The following SCFD1 variants were observed in gnomAD, a reference collection of about 807,000 sequenced individuals.
SCFD1 encodes sec1 family domain containing 1.
Under a neutral mutation model 103.2 loss-of-function variants are expected in SCFD1, and 37 were observed. That is an observed-to-expected ratio of 0.36 (90% CI 0.28 to 0.47). The LOEUF is 0.47. Among genes scored for constraint, SCFD1 ranks in the 20% least tolerant of loss-of-function variants. The probability of loss-of-function intolerance (pLI) is 1.00; values close to 1 mark genes in which losing one functional copy is unlikely to be tolerated. For synonymous variants in SCFD1, 264 were observed against 245.0 expected (o/e 1.08, Z -0.73); for missense variants, 639 against 761.2 (o/e 0.84, Z 1.89).
intron 14 of SCFD1, among the ~76,000 whole-genome samples, chr14:30,684,567 C>A (rs1889781069): frequency 2.0e-5 from 3 of 151,792 alleles, no homozygotes; most frequent in African/African-American, 7.3e-5. Flanking sequence ...TGGAGAAAAG[C>A]ACTAGAATTT....
At chr14:30,725,562 T>G (rs183711034) in intron 23 of SCFD1, among the ~76,000 whole-genome samples, 1 of 152,228 alleles carries the variant, frequency 6.6e-6, no homozygotes, top group African/African-American at 2.4e-5. Flanking sequence ...TGAAGTTGTT[T>G]ATCAGCTTAA....
Position 30,674,991 on chromosome 14 carries a change from C to T in SCFD1, c.1168C>T (p.Pro390Ser). Residue 390 changes from proline (P) to serine (S), a missense_variant, in exon 14 of 25, where the codon CCA becomes TCA. Coordinates refer to ENST00000458591, the MANE Select transcript of SCFD1 (RefSeq NM_016106.4). ...AKLTSAVSSL[P>S]ELLEKKRLID... The stretch of plus-strand genomic sequence containing the variant: ...ATTTTTTGATACTTGCAGTTCTTTG[C>T]CAGAACTCCTTGAGAAAAAAAGACT... The T allele has an allele frequency of 1.9e-6, 3 of 1,571,362 alleles. No individual in the cohort carries two copies. The highest frequency in any genetic ancestry group is 2.6e-6 in the Non-Finnish European group (3 of 1,158,332).
chr14:30,652,030 C>T (rs1390279923), intron 9 of SCFD1, among the ~76,000 whole-genome samples: 1 of 152,110 alleles, frequency 6.6e-6, no homozygotes, highest in Non-Finnish European at 1.5e-5. Context: ...TTAAGAAACC[C>T]TGCGGTAGGC....
intron 9 of SCFD1, among the ~76,000 whole-genome samples, chr14:30,651,407 T>C (rs1886377986): frequency 6.7e-6 from 1 of 150,316 alleles, no homozygotes; most frequent in South Asian, 2.1e-4. Flanking sequence ...AAACTGCTTG[T>C]ATAATTGGGA....
chr14:30,678,992 G>A (rs1217684652), intron 14 of SCFD1, among the ~76,000 whole-genome samples: 2 of 152,184 alleles, frequency 1.3e-5, no homozygotes, highest in Non-Finnish European at 2.9e-5. Context: ...TTTCACTAGT[G>A]TTCCTTCTGA....
intron 19 of SCFD1, among the ~76,000 whole-genome samples, chr14:30,708,920 G>T (rs1221610537): frequency 6.6e-6 from 1 of 151,750 alleles, no homozygotes; most frequent in Non-Finnish European, 1.5e-5. Context: ...TATTAATTTG[G>T]TATCTTTTCA....
intron 6 of SCFD1, among the ~76,000 whole-genome samples, chr14:30,642,185 T>G (rs750657926): frequency 4.6e-5 from 7 of 152,162 alleles, no homozygotes; most frequent in Non-Finnish European, 8.8e-5. Flanking sequence ...TCTCCCAGTT[T>G]CAAGCAATCC....
chr14:30,702,429 C>T, intron 17 of SCFD1, 54 bp downstream of exon 17: 1 of 1,097,958 alleles, frequency 9.1e-7, no homozygotes, highest in Non-Finnish European at 1.3e-6. Flanking sequence ...ACAATTGAGG[C>T]TTCATTCCCA....
intron 10 of SCFD1, among the ~76,000 whole-genome samples, chr14:30,668,736 C>T (rs992473018): frequency 1.3e-5 from 2 of 152,008 alleles, no homozygotes; most frequent in Non-Finnish European, 2.9e-5. Context: ...AAAAAGTGAG[C>T]GAAGGATATG....
intron 1 of SCFD1, among the ~76,000 whole-genome samples, chr14:30,626,973 A>G (rs1315118609): frequency 1.3e-4 from 20 of 152,238 alleles, no homozygotes; most frequent in Admixed American, 1.3e-3. Context: ...AGTATTACAT[A>G]GTTCTCTCGT....
rs551890084 is a variant in SCFD1 at position 30,678,706 on chromosome 14, G to A, written c.1242+3641G>A. The stretch of plus-strand genomic sequence containing the variant: ...AAAGCATAGTTGATGAGATGAGAGA[G>A]AGAAATGGTATCATGGGTTCTTTCC... On this transcript the variant is annotated intron_variant, in intron 14 of 24. Coordinates refer to ENST00000458591, the MANE Select transcript of SCFD1 (RefSeq NM_016106.4). 3.3e-5 allele frequency among the ~76,000 whole-genome samples: 5 copies of A among 152,326 alleles called. No individual in the cohort carries two copies. In the South Asian group the frequency reaches 1.0e-3, roughly 32 times the overall value.
At chr14:30,695,693 AC>A (rs753164373) in intron 15 of SCFD1, among the ~76,000 whole-genome samples, 1 of 152,008 alleles carries the variant, frequency 6.6e-6, no homozygotes, top group African/African-American at 2.4e-5. Flanking sequence ...ATAAAGCAAG[AC>A]CCCATATACA....
chr14:30,660,194 T>C (rs1030864633), intron 10 of SCFD1, among the ~76,000 whole-genome samples: 3 of 152,200 alleles, frequency 2.0e-5, no homozygotes, highest in African/African-American at 7.2e-5. Context: ...CACTTCTTTT[T>C]AATTGCCATT....
chr14:30,670,664 G>A (rs965149443), intron 11 of SCFD1, among the ~76,000 whole-genome samples: 1 of 151,714 alleles, frequency 6.6e-6, no homozygotes, highest in Admixed American at 6.6e-5. Flanking sequence ...CAATTTTGTT[G>A]CTGTCTCCAC....
Position 30,723,182 on chromosome 14 carries a change from G to A in SCFD1, c.1836+623G>A, listed in dbSNP as rs768228062. Reference sequence around the variant, plus strand: ...ACATTAAATAAAGATCATTCTTTATGTCCTTATGTCATGTATGGCCCTAAT... The same window carrying A: ...ACATTAAATAAAGATCATTCTTTATATCCTTATGTCATGTATGGCCCTAAT... On this transcript the variant is annotated intron_variant, in intron 23 of 24. Coordinates refer to ENST00000458591, the MANE Select transcript of SCFD1 (RefSeq NM_016106.4). 1.6e-4 allele frequency among the ~76,000 whole-genome samples: 25 copies of A among 151,990 alleles called. 1 individual carries two copies. Among genetic ancestry groups the A allele is most frequent in the Non-Finnish European group, 2.1e-4 (14 of 67,986 alleles).
chr14:30,702,130 T>G (rs999057021), intron 16 of SCFD1, among the ~76,000 whole-genome samples, 166 bp from the exon 17 acceptor site: 1 of 152,240 alleles, frequency 6.6e-6, no homozygotes, highest in African/African-American at 2.4e-5. Flanking sequence ...TTTTCTTGTC[T>G]TGGGTGCTCA....
At chr14:30,709,144 A>G (rs1264516631) in intron 19 of SCFD1, among the ~76,000 whole-genome samples, 4 of 152,210 alleles carry the variant, frequency 2.6e-5, no homozygotes, top group Non-Finnish European at 5.9e-5. Flanking sequence ...GGCCAAATCA[A>G]AAGAATCAGT....
intron 1 of SCFD1, 40 bp downstream of exon 1, chr14:30,622,439 C>T: frequency 6.5e-6 from 10 of 1,548,524 alleles, no homozygotes; most frequent in African/African-American, 1.4e-5. Context: ...TTCGTGACTG[C>T]CCCGACGACA....
intron 6 of SCFD1, among the ~76,000 whole-genome samples, chr14:30,641,525 C>T (rs1225676311): frequency 6.6e-6 from 1 of 152,146 alleles, no homozygotes; most frequent in Middle Eastern, 3.2e-3. Flanking sequence ...AGTGATTTAA[C>T]TAAAAGGTTT....
Sources: gnomAD v4.1 joint callset for allele counts (sites outside exome capture counted in the v4.1 genomes callset) on GRCh38, gnomAD v4.1.1 for gene constraint, MANE v1.5 for transcripts, NCBI Gene and HGNC (gene_info 2026-07-23, HGNC 2026-07-21) for gene names.